The following HS6ST3 variants were observed in gnomAD, a reference collection of about 807,000 sequenced individuals.
HS6ST3 encodes heparan sulfate 6-O-sulfotransferase 3.
Under a neutral mutation model 36.7 loss-of-function variants are expected in HS6ST3, and 12 were observed. The ratio of observed to expected loss-of-function variants is 0.33; its 90% CI spans 0.21 to 0.53. The LOEUF (loss-of-function observed/expected upper bound fraction) is 0.53. Ranked by LOEUF, HS6ST3 falls within the 20% of genes least tolerant of loss-of-function variation. HS6ST3 has a pLI of 0.95. For synonymous variants in HS6ST3, 240 were observed against 257.5 expected, an observed-to-expected ratio of 0.93 and a Z score of 0.65; for missense variants, 584 against 640.9, an observed-to-expected ratio of 0.91 and a Z score of 0.96.
chr13:96,587,290 T>C (rs2056365443), intron 1 of HS6ST3, among the ~76,000 whole-genome samples: 2 of 152,156 alleles, frequency 1.3e-5, no homozygotes, highest in African/African-American at 4.8e-5. Context: ...GGTTTTTTTG[T>C]AGGTTCCACA....
chr13:96,833,332 C>A lies in HS6ST3; in HGVS notation c.*134C>A. 3 of 657,258 alleles carry A rather than the reference C, an allele frequency of 4.6e-6. No homozygotes were observed. Among genetic ancestry groups the A allele is most frequent in the Non-Finnish European group, 7.5e-6 (3 of 398,102 alleles). 40.7% of individuals were successfully genotyped at this position (657,258 alleles called of 1,614,324 possible). On this transcript the variant is annotated 3_prime_UTR_variant, in exon 2 of 2. Coordinates refer to ENST00000376705, the MANE Select transcript of HS6ST3 (RefSeq NM_153456.4). ...GCTTGATTTGGACATCTTCTTCCTT[C>A]TTTGTCTTCATTTTTATCCAGCTGG... is the stretch of plus-strand genomic sequence containing the variant.
chr13:96,177,756 C>T (rs984220967), intron 1 of HS6ST3, among the ~76,000 whole-genome samples: 28 of 147,564 alleles, frequency 1.9e-4, no homozygotes, highest in African/African-American at 6.3e-4. Context: ...CATACCTACC[C>T]CCGAACCTAA....
intron 1 of HS6ST3, among the ~76,000 whole-genome samples, chr13:96,181,331 A>G (rs1252724254): frequency 6.6e-6 from 1 of 152,226 alleles, no homozygotes; most frequent in Non-Finnish European, 1.5e-5. Context: ...TCAAATGTAT[A>G]CACATTGATA....
chr13:96,335,960 A>T (rs556802127), intron 1 of HS6ST3, among the ~76,000 whole-genome samples: 179 of 152,288 alleles, frequency 1.2e-3, no homozygotes, highest in African/African-American at 4.1e-3. Context: ...TTTTTAAAAT[A>T]CTGTGAATTC....
At position 96,254,502 on chromosome 13, in the gene HS6ST3, CATACAT is replaced by C. The variant is rs1395807393; in HGVS notation, c.707+162935_707+162940del. ...ATATATATATATATATATATATACACATACATACACACACACACTTTTTTCTTTTCA... is the reference window on the plus strand; with the variant it reads ...ATATATATATATATATATATATACACACACACACACACTTTTTTCTTTTCA... On this transcript the variant is annotated intron_variant, in intron 1 of 1. Coordinates refer to ENST00000376705, the MANE Select transcript of HS6ST3 (RefSeq NM_153456.4). Among the ~76,000 whole-genome samples the C allele has an allele frequency of 6.5e-4, 13 of 20,124 alleles. 1 individual carries two copies. Among genetic ancestry groups the C allele is most frequent in the African/African-American group, 2.0e-3 (13 of 6,610 alleles). The allele number at this position is 20,124 out of a possible 152,430, so 13.2% of individuals were successfully genotyped here.
intron 1 of HS6ST3, among the ~76,000 whole-genome samples, chr13:96,656,688 G>A (rs2056626068): frequency 6.6e-6 from 1 of 152,122 alleles, no homozygotes; most frequent in African/African-American, 2.4e-5. Flanking sequence ...AATGGAGGAA[G>A]GAGTCGCAAA....
At chr13:96,214,361 C>T (rs192160203) in intron 1 of HS6ST3, among the ~76,000 whole-genome samples, 3 of 152,268 alleles carry the variant, frequency 2.0e-5, no homozygotes, top group African/African-American at 4.8e-5. Context: ...AATCTCATCT[C>T]ATCTCTGACC....
chr13:96,793,872 C>T (rs558972411), intron 1 of HS6ST3, among the ~76,000 whole-genome samples: 1 of 152,082 alleles, frequency 6.6e-6, no homozygotes, highest in Admixed American at 6.6e-5. Context: ...TATTTCCACG[C>T]CAATGCTCTG....
chr13:96,110,077 G>C (rs553257578), intron 1 of HS6ST3, among the ~76,000 whole-genome samples: 1 of 152,156 alleles, frequency 6.6e-6, no homozygotes, highest in Admixed American at 6.5e-5. Flanking sequence ...GAATACGTGA[G>C]GCTGGGTAAT....
chr13:96,154,480 T>C (rs1030287963), intron 1 of HS6ST3, among the ~76,000 whole-genome samples: 8 of 152,172 alleles, frequency 5.3e-5, no homozygotes, highest in African/African-American at 1.9e-4. Flanking sequence ...CATCTATTAA[T>C]GATGGTGATT....
chr13:96,807,548 G>A (rs1222117508), intron 1 of HS6ST3, among the ~76,000 whole-genome samples: 1 of 152,114 alleles, frequency 6.6e-6, no homozygotes, highest in Non-Finnish European at 1.5e-5. Flanking sequence ...ACCAACGATT[G>A]CCAGCAAAAT....
At chr13:96,546,259 G>T (rs544126505) in intron 1 of HS6ST3, among the ~76,000 whole-genome samples, 1 of 152,120 alleles carries the variant, frequency 6.6e-6, no homozygotes, top group East Asian at 1.9e-4. Flanking sequence ...GTGGAACCTG[G>T]ATAATAGAAT....
chr13:96,414,630 C>T (rs1165495160), intron 1 of HS6ST3, among the ~76,000 whole-genome samples: 3 of 152,022 alleles, frequency 2.0e-5, no homozygotes, highest in Non-Finnish European at 4.4e-5. Context: ...TTACTGGCGC[C>T]TGCCACCATG....
At chr13:96,628,792 T>G (rs2056521769) in intron 1 of HS6ST3, among the ~76,000 whole-genome samples, 1 of 151,986 alleles carries the variant, frequency 6.6e-6, no homozygotes, top group Admixed American at 6.6e-5. Context: ...CTTTTTATCC[T>G]TTTACATCCT....
intron 1 of HS6ST3, among the ~76,000 whole-genome samples, chr13:96,715,612 A>G (rs1218823521): frequency 1.3e-5 from 2 of 152,122 alleles, no homozygotes; most frequent in Non-Finnish European, 2.9e-5. Context: ...GGCAACCATT[A>G]TTAACCACCC....
chr13:96,648,279 G>A (rs1043451358), intron 1 of HS6ST3, among the ~76,000 whole-genome samples: 1 of 151,932 alleles, frequency 6.6e-6, no homozygotes, highest in Non-Finnish European at 1.5e-5. Context: ...GAACTTGTTT[G>A]TCTAACCAAC....
chr13:96,589,941 T>C (rs2056376569), intron 1 of HS6ST3, among the ~76,000 whole-genome samples: 1 of 152,180 alleles, frequency 6.6e-6, no homozygotes, highest in African/African-American at 2.4e-5. Flanking sequence ...GTGAAGTTTG[T>C]CTTTCTGTGC....
intron 1 of HS6ST3, among the ~76,000 whole-genome samples, chr13:96,100,714 C>T (rs2053814305): frequency 6.6e-6 from 1 of 152,164 alleles, no homozygotes; most frequent in Non-Finnish European, 1.5e-5. Context: ...CAGAGTGAAT[C>T]CACTTAGAAG....
intron 1 of HS6ST3, among the ~76,000 whole-genome samples, chr13:96,302,445 T>C (rs548629422): frequency 1.3e-5 from 2 of 152,162 alleles, no homozygotes; most frequent in Non-Finnish European, 2.9e-5. Flanking sequence ...ATAAAAAGGA[T>C]AAGTAGGTAT....
Sources: allele counts gnomAD v4.1 joint callset (sites outside exome capture counted in the v4.1 genomes callset), GRCh38; gene constraint gnomAD v4.1.1; transcripts MANE v1.5; gene names NCBI Gene and HGNC (gene_info 2026-07-23, HGNC 2026-07-21).